Variants in MAP2K5 observed in about 807,000 individuals in gnomAD.
MAP2K5 encodes the protein mitogen-activated protein kinase kinase 5, also known as dual specificity mitogen-activated protein kinase kinase 5.
MAP2K5 carries 49 observed loss-of-function variants against 83.1 expected under a neutral mutation model. That is an observed-to-expected ratio of 0.59 (90% CI 0.47 to 0.75). The LOEUF (loss-of-function observed/expected upper bound fraction) is 0.75, where lower values mean the gene tolerates loss of function less well. MAP2K5 is among the 30% of genes least tolerant of loss of function. MAP2K5 has a pLI of 0.00. For synonymous variants in MAP2K5, 202 were observed against 191.8 expected, an observed-to-expected ratio of 1.05 and a Z score of -0.44; for missense variants, 457 against 557.5, an observed-to-expected ratio of 0.82 and a Z score of 1.82.
At chr15:67,566,131 A>AT (rs2084832856) in intron 3 of MAP2K5, among the ~76,000 whole-genome samples, 3 of 151,950 alleles carry the variant, frequency 2.0e-5, no homozygotes, top group Admixed American at 1.3e-4. Flanking sequence ...AGATTACCAC[A>AT]TTTTTATTGT....
At chr15:67,766,348 T>A (rs1286619822) in intron 19 of MAP2K5, among the ~76,000 whole-genome samples, 6 of 152,242 alleles carry the variant, frequency 3.9e-5, no homozygotes, top group African/African-American at 1.4e-4. Flanking sequence ...AGGTGAGGTA[T>A]GGCACCCAAG....
chr15:67,693,523 G>A lies in MAP2K5; in HGVS notation c.927G>A (p.Val309=). Residue 309 remains valine (V), a synonymous_variant, in exon 15 of 22, where the codon GTG becomes GTA. Coordinates refer to ENST00000178640, the MANE Select transcript of MAP2K5 (RefSeq NM_145160.3). ...CAGACTGTTTTGTCTCATAGCTGGT[G>A]AATTCTATAGCCAAGACGTATGTTG... is the stretch of plus-strand genomic sequence containing the variant. ...LCDFGVSTQL[V]NSIAKTYVGT... 1 of 1,611,110 alleles carries A rather than the reference G, an allele frequency of 6.2e-7. No individual in the cohort carries two copies. The highest frequency in any genetic ancestry group is 8.5e-7 in the Non-Finnish European group (1 of 1,178,228).
At chr15:67,592,412 A>G (rs1307251015) in intron 6 of MAP2K5, among the ~76,000 whole-genome samples, 2 of 152,200 alleles carry the variant, frequency 1.3e-5, no homozygotes, top group East Asian at 3.9e-4. Flanking sequence ...GAGGATAAGT[A>G]ACTTGTCCCA....
At chr15:67,706,824 A>C (rs1004437116) in intron 16 of MAP2K5, among the ~76,000 whole-genome samples, 5 of 152,162 alleles carry the variant, frequency 3.3e-5, no homozygotes, top group African/African-American at 1.2e-4. Flanking sequence ...GTAAAGAAAA[A>C]TATGTGATAG....
At position 67,640,156 on chromosome 15, in the gene MAP2K5, G is replaced by A. The variant is rs1385609418; in HGVS notation, c.586-6075G>A. 6.6e-6 allele frequency among the ~76,000 whole-genome samples: 1 copy of A among 152,152 alleles called. No individual in the cohort carries two copies. Among genetic ancestry groups the A allele is most frequent in the Non-Finnish European group, 1.5e-5 (1 of 68,038 alleles). On this transcript the variant is annotated intron_variant, in intron 9 of 21. Transcript: ENST00000178640. This position sits in a 1 kb window ranked among gnomAD's most constrained non-coding sequence, Gnocchi z 4.6. ...TGATTCCTGCAGATCCTTGCATATA[G>A]GGTATAGTACAAAGCATTACACATA...
chr15:67,729,460 T>C (rs2141249589), intron 17 of MAP2K5, among the ~76,000 whole-genome samples: 1 of 152,166 alleles, frequency 6.6e-6, no homozygotes, highest in African/African-American at 2.4e-5. Flanking sequence ...ATTTGATGGG[T>C]GATGAGTCTA....
chr15:67,800,609 A>G (rs576454058), intron 21 of MAP2K5, among the ~76,000 whole-genome samples: 9 of 152,332 alleles, frequency 5.9e-5, no homozygotes, highest in Non-Finnish European at 8.8e-5. Context: ...CCAATTGTTC[A>G]TATGAATCGT....
chr15:67,665,479 G>A lies in MAP2K5; in HGVS notation c.847+834G>A, dbSNP rs2087352502. On this transcript the variant is annotated intron_variant, in intron 13 of 21. Coordinates refer to ENST00000178640, the MANE Select transcript of MAP2K5 (RefSeq NM_145160.3). This position sits in a 1 kb window ranked among gnomAD's most constrained non-coding sequence, Gnocchi z 4.2. ...GAATGGAACAGCATACACATTAGAT[G>A]TGACTAAAGGAAAGTTTTTTCTTTT... Among the ~76,000 whole-genome samples, 2 of 152,186 alleles carry A rather than the reference G, an allele frequency of 1.3e-5. No homozygotes were observed. Among genetic ancestry groups the A allele is most frequent in the South Asian group, 4.1e-4 (2 of 4,830 alleles).
chr15:67,734,506 C>T (rs114192272), intron 17 of MAP2K5, among the ~76,000 whole-genome samples: 2,640 of 152,160 alleles, frequency 0.017, 71 homozygotes, highest in African/African-American at 0.061. Flanking sequence ...ACATTGAGCA[C>T]TTTTCAAATG....
intron 21 of MAP2K5, among the ~76,000 whole-genome samples, chr15:67,792,761 A>G (rs2090540556): frequency 6.6e-6 from 1 of 152,240 alleles, no homozygotes; most frequent in Non-Finnish European, 1.5e-5. Flanking sequence ...CGCTTTGACC[A>G]TAAATCTTAA....
intron 17 of MAP2K5, among the ~76,000 whole-genome samples, chr15:67,739,138 G>A (rs983636952): frequency 2.0e-5 from 3 of 151,696 alleles, no homozygotes; most frequent in African/African-American, 7.3e-5. Flanking sequence ...AAACCAGCTA[G>A]GTGTGGTGGC....
intron 9 of MAP2K5, among the ~76,000 whole-genome samples, chr15:67,639,612 A>G (rs2086670785): frequency 6.6e-6 from 1 of 152,128 alleles, no homozygotes; most frequent in African/African-American, 2.4e-5. Context: ...GGTCACATTT[A>G]TTTCCCTCTC....
intron 21 of MAP2K5, among the ~76,000 whole-genome samples, chr15:67,776,816 C>T (rs576466354): frequency 1.1e-4 from 16 of 152,220 alleles, no homozygotes; most frequent in Admixed American, 4.6e-4. Context: ...GTGACTTAGC[C>T]GGGAGAACCT....
intron 13 of MAP2K5, among the ~76,000 whole-genome samples, chr15:67,678,962 C>CAA (rs35828534): frequency 0.055 from 6,400 of 115,510 alleles, 477 homozygotes; most frequent in African/African-American, 0.14. Context: ...CACTGCATCT[C>CAA]AAAAAAAAAA....
intron 20 of MAP2K5, among the ~76,000 whole-genome samples, chr15:67,772,104 C>A (rs974283002): frequency 3.3e-5 from 5 of 152,226 alleles, no homozygotes; most frequent in Non-Finnish European, 5.9e-5. Context: ...TGTCCCACAG[C>A]GGTTTAATGA....
intron 17 of MAP2K5, among the ~76,000 whole-genome samples, chr15:67,741,564 A>G (rs2089492520): frequency 6.6e-6 from 1 of 151,990 alleles, no homozygotes; most frequent in Non-Finnish European, 1.5e-5. Flanking sequence ...GGGGATTTAG[A>G]TGTTGCTGAC....
At chr15:67,732,543 T>C (rs925207953) in intron 17 of MAP2K5, among the ~76,000 whole-genome samples, 1 of 152,182 alleles carries the variant, frequency 6.6e-6, no homozygotes, top group African/African-American at 2.4e-5. Flanking sequence ...TACATCAAAA[T>C]GACCTGAAGT....
In MAP2K5 at chr15:67,780,023, C is replaced by T. The variant is rs184905177; in HGVS notation, c.1242+7271C>T. Among the ~76,000 whole-genome samples the T allele has an allele frequency of 1.3e-3, 203 of 152,324 alleles. No homozygotes were observed. Among genetic ancestry groups the T allele is most frequent in the Middle Eastern group, 3.4e-3 (1 of 294 alleles). On this transcript the variant is annotated intron_variant, in intron 21 of 21. Transcript: ENST00000178640. The surrounding 1 kb of genome is among the most constrained non-coding windows in gnomAD (Gnocchi z 5.0). ...TGGAAGGTCTTGGTCCTCCTCCCTG[C>T]GGCTTTTCCCTACTCTTCGACTTTA...
intron 9 of MAP2K5, among the ~76,000 whole-genome samples, chr15:67,632,949 A>G (rs952933247): frequency 2.0e-5 from 3 of 152,124 alleles, no homozygotes; most frequent in Admixed American, 2.0e-4. Flanking sequence ...GGTACAACAG[A>G]GCTTCCTTTG....
Sources: gnomAD v4.1 joint callset for allele counts (sites outside exome capture counted in the v4.1 genomes callset) on GRCh38, gnomAD v4.1.1 for gene constraint, Gnocchi (gnomAD v3.1) non-coding constraint, MANE v1.5 for transcripts, NCBI Gene and HGNC (gene_info 2026-07-23, HGNC 2026-07-21) for gene names.